RPSA2: variants seen among roughly 807,000 people sequenced by gnomAD.
RPSA2 encodes the protein ribosomal protein SA 2.
At chr19:23,796,027 A>G in the RPSA2 span, among the ~76,000 whole-genome samples, 5 of 152,196 alleles carry the variant, frequency 3.3e-5, no homozygotes, top group African/African-American at 1.2e-4. Context: ...GGCCTCCCAA[A>G]GTGCTGGAAT....
the RPSA2 span, chr19:23,790,624 G>A: frequency 3.6e-6 from 1 of 277,246 alleles, no homozygotes; most frequent in Non-Finnish European, 7.1e-6. Flanking sequence ...TAGTTGGGGG[G>A]ACTGTGTCTC....
At chr19:23,787,438 T>TAA in the RPSA2 span, among the ~76,000 whole-genome samples, 283 of 147,758 alleles carry the variant, frequency 1.9e-3, 2 homozygotes, top group Admixed American at 3.4e-3. Flanking sequence ...CTGTCTCTAC[T>TAA]AAAAAAAGAA....
At chr19:23,794,730 T>C in the RPSA2 span, among the ~76,000 whole-genome samples, 14 of 152,192 alleles carry the variant, frequency 9.2e-5, no homozygotes, top group Non-Finnish European at 1.9e-4. Context: ...TTGCAATGGC[T>C]TTTGGTATCT....
At chr19:23,758,902 C>T in the RPSA2 span, 3 of 1,027,000 alleles carry the variant, frequency 2.9e-6, no homozygotes, top group Non-Finnish European at 4.4e-6. Context: ...AAAGGCCCCG[C>T]CAATCCCGGA....
the RPSA2 span, among the ~76,000 whole-genome samples, chr19:23,862,602 T>TG: frequency 1.3e-5 from 2 of 152,208 alleles, no homozygotes; most frequent in Admixed American, 6.5e-5. Context: ...TGTTGAATTT[T>TG]TCAAAGGCCT....
At chr19:23,778,715 C>T in the RPSA2 span, among the ~76,000 whole-genome samples, 2 of 152,138 alleles carry the variant, frequency 1.3e-5, no homozygotes, top group Non-Finnish European at 2.9e-5. Context: ...CATCTCTAGA[C>T]CCATCACCTG....
chr19:23,865,323 T>G, the RPSA2 span, among the ~76,000 whole-genome samples: 3 of 152,220 alleles, frequency 2.0e-5, no homozygotes, highest in Non-Finnish European at 4.4e-5. Context: ...TTCACAGACA[T>G]TAGCTAAACT....
the RPSA2 span, chr19:23,819,012 G>C: frequency 2.6e-5 from 4 of 151,774 alleles, no homozygotes; most frequent in African/African-American, 9.7e-5. Flanking sequence ...CCTTTAACGT[G>C]GTTAAAGGGA....
At chr19:23,779,903 A>G in the RPSA2 span, among the ~76,000 whole-genome samples, 1 of 152,178 alleles carries the variant, frequency 6.6e-6, no homozygotes, top group South Asian at 2.1e-4. Context: ...TTGAGAACCC[A>G]GATGATGTGA....
At chr19:23,807,175 G>A in the RPSA2 span, among the ~76,000 whole-genome samples, 3 of 152,082 alleles carry the variant, frequency 2.0e-5, no homozygotes, top group Non-Finnish European at 4.4e-5. Flanking sequence ...CAGCTGCCCT[G>A]TTTTTGAGGT....
At chr19:23,820,037 T>C in the RPSA2 span, among the ~76,000 whole-genome samples, 63,105 of 152,126 alleles carry the variant, frequency 0.41, 13,526 homozygotes, top group South Asian at 0.58. Context: ...TCAGTCCTGA[T>C]GGGGAAAGCC....
chr19:23,785,710 C>T, the RPSA2 span, among the ~76,000 whole-genome samples: 1 of 152,014 alleles, frequency 6.6e-6, no homozygotes, highest in African/African-American at 2.4e-5. Context: ...ATGTTACTCT[C>T]CTCCTTTCTG....
chr19:23,843,872 G>A, the RPSA2 span, among the ~76,000 whole-genome samples: 3 of 152,124 alleles, frequency 2.0e-5, no homozygotes, highest in African/African-American at 7.2e-5. Context: ...CGATTCTCCC[G>A]CCGCAGCCTT....
chr19:23,866,619 CCT>C, the RPSA2 span, among the ~76,000 whole-genome samples: 5 of 151,478 alleles, frequency 3.3e-5, no homozygotes, highest in African/African-American at 1.2e-4. Context: ...AATAGCACCC[CCT>C]GTCAGGAAAT....
chr19:23,836,829 AT>A, the RPSA2 span, among the ~76,000 whole-genome samples: 1 of 151,308 alleles, frequency 6.6e-6, no homozygotes, highest in Non-Finnish European at 1.5e-5. Context: ...AGATTTTTCT[AT>A]TTTTTGATTT....
At chr19:23,799,472 C>G in the RPSA2 span, 1 of 152,146 alleles carries the variant, frequency 6.6e-6, no homozygotes, top group Non-Finnish European at 1.5e-5. Flanking sequence ...AGGCTCTCTT[C>G]CTGCAGCTCA....
chr19:23,864,531 T>C, the RPSA2 span, among the ~76,000 whole-genome samples: 1 of 152,086 alleles, frequency 6.6e-6, no homozygotes, highest in Non-Finnish European at 1.5e-5. Flanking sequence ...GAAGAATACA[T>C]CACCCAACAG....
chr19:23,827,585 C>A, the RPSA2 span: 1 of 1,586,942 alleles, frequency 6.3e-7, no homozygotes, highest in Admixed American at 1.7e-5. Context: ...TTATGTTAAC[C>A]TACCTACCAT....
the RPSA2 span, among the ~76,000 whole-genome samples, chr19:23,843,814 C>T: frequency 6.6e-6 from 1 of 152,070 alleles, no homozygotes; most frequent in Non-Finnish European, 1.5e-5. Context: ...GGCTGGAGTG[C>T]AATGGCATGG....
Sources: gnomAD v4.1 joint callset for allele counts (sites outside exome capture counted in the v4.1 genomes callset) on GRCh38, gnomAD v4.1.1 for gene constraint, MANE v1.5 for transcripts, NCBI Gene and HGNC (gene_info 2026-07-23, HGNC 2026-07-21) for gene names.